Variants in DLG2 observed in about 807,000 individuals in gnomAD.
DLG2 encodes disks large homolog 2.
DLG2 carries 45 observed loss-of-function variants against 132.5 expected under a neutral mutation model. The observed-to-expected ratio is 0.34, with a 90% CI of 0.27 to 0.44. The LOEUF (loss-of-function observed/expected upper bound fraction) is 0.44. Ranked by LOEUF, DLG2 falls within the 20% of genes least tolerant of loss-of-function variation. The pLI is 1.00. For synonymous variants in DLG2, 424 were observed against 419.6 expected (o/e 1.01, Z -0.13); for missense variants, 1,045 against 1,196.9 (o/e 0.87, Z 1.87).
intron 7 of DLG2, among the ~76,000 whole-genome samples, chr11:84,267,864 G>A (rs1417276178): frequency 1.3e-5 from 2 of 152,158 alleles, no homozygotes; most frequent in Non-Finnish European, 2.9e-5. Flanking sequence ...CACATAGCAG[G>A]GACAATTAAG....
chr11:84,948,967 G>A (rs2050577922), intron 6 of DLG2, among the ~76,000 whole-genome samples: 1 of 152,188 alleles, frequency 6.6e-6, no homozygotes, highest in South Asian at 2.1e-4. Flanking sequence ...CATTATTTCT[G>A]TTGTTATTGA....
chr11:85,240,655 G>T (rs779537466), intron 4 of DLG2, among the ~76,000 whole-genome samples: 3 of 151,726 alleles, frequency 2.0e-5, no homozygotes, highest in Non-Finnish European at 3.0e-5. Flanking sequence ...TTATTGAATA[G>T]CTCTTCCCTT....
intron 18 of DLG2, among the ~76,000 whole-genome samples, chr11:83,676,147 G>A (rs963750463): frequency 3.9e-5 from 6 of 152,156 alleles, no homozygotes; most frequent in South Asian, 4.1e-4. Context: ...CTCATGTTCA[G>A]GGGTGGATAT....
intron 6 of DLG2, among the ~76,000 whole-genome samples, chr11:84,667,498 G>GTTTTTTTTTTTTTTTTTTTTTTTT (rs57863742): frequency 8.2e-6 from 1 of 122,272 alleles, no homozygotes; most frequent in Non-Finnish European, 1.6e-5. Context: ...TTTGTTTTTT[G>GTTTTTTTTTTTTTTTTTTTTTTTT]TTTTTTTTTT....
intron 18 of DLG2, among the ~76,000 whole-genome samples, chr11:83,710,069 G>A (rs1444559615): frequency 6.6e-6 from 1 of 152,126 alleles, no homozygotes; most frequent in Non-Finnish European, 1.5e-5. Flanking sequence ...TGAAAACAAA[G>A]GAGAGAGGAA....
intron 3 of DLG2, among the ~76,000 whole-genome samples, chr11:85,388,251 T>C (rs931988402): frequency 6.6e-6 from 1 of 152,102 alleles, no homozygotes. Context: ...GAGAACATAA[T>C]TCCATTGACC....
Position 85,097,719 on chromosome 11 carries a change from A to T in DLG2, c.357+13942T>A, listed in dbSNP as rs574683782. ...CTGTTGCCAAGGGCTCTCCTCAGCCACAGGCTTACCAGATGTCTGGTCATG... is the reference window on the plus strand; with the variant it reads ...CTGTTGCCAAGGGCTCTCCTCAGCCTCAGGCTTACCAGATGTCTGGTCATG... On this transcript the variant is annotated intron_variant, in intron 6 of 27. Coordinates refer to ENST00000376104, the MANE Select transcript of DLG2 (RefSeq NM_001142699.3). 3.9e-5 allele frequency among the ~76,000 whole-genome samples: 6 copies of T among 152,336 alleles called. No homozygotes were observed. The South Asian group carries it at 1.2e-3, about 32-fold the overall frequency.
chr11:83,996,409 T>G (rs1485020147), intron 11 of DLG2, among the ~76,000 whole-genome samples: 1 of 152,162 alleles, frequency 6.6e-6, no homozygotes, highest in Admixed American at 6.5e-5. Context: ...GGAGAACAGT[T>G]TGGACATTCC....
At chr11:84,445,915 CAAAA>C (rs58758315) in intron 7 of DLG2, among the ~76,000 whole-genome samples, 1 of 59,832 alleles carries the variant, frequency 1.7e-5, no homozygotes, top group Admixed American at 2.2e-4. Context: ...GACTTCGCCT[CAAAA>C]AAAAAAAAAA....
chr11:83,734,800 CAGTA>C (rs2091664664), intron 18 of DLG2, among the ~76,000 whole-genome samples: 1 of 151,994 alleles, frequency 6.6e-6, no homozygotes, highest in Non-Finnish European at 1.5e-5. Context: ...ATAATGCACA[CAGTA>C]AGAGTATTAT....
intron 7 of DLG2, among the ~76,000 whole-genome samples, chr11:84,318,628 T>C (rs764881314): frequency 1.3e-5 from 2 of 152,178 alleles, no homozygotes; most frequent in Non-Finnish European, 2.9e-5. Context: ...CTGTTAGACT[T>C]AAAAATCTTG....
At chr11:85,158,093 A>G (rs1327476993) in intron 4 of DLG2, among the ~76,000 whole-genome samples, 1 of 152,116 alleles carries the variant, frequency 6.6e-6, no homozygotes, top group Non-Finnish European at 1.5e-5. Flanking sequence ...TGGGCCCTAG[A>G]GGTGAAGTTC....
intron 6 of DLG2, among the ~76,000 whole-genome samples, chr11:85,077,459 C>G (rs1368375221): frequency 6.6e-6 from 1 of 151,912 alleles, no homozygotes; most frequent in East Asian, 2.0e-4. Context: ...TTCCAAGTGC[C>G]TGCTTCTTAA....
chr11:84,990,727 G>A (rs113584658), intron 6 of DLG2, among the ~76,000 whole-genome samples: 6 of 130,762 alleles, frequency 4.6e-5, no homozygotes, highest in African/African-American at 1.7e-4. Flanking sequence ...AGAATGCAGA[G>A]AAACTAGATC....
At chr11:84,615,817 G>GAAAAAAAAAAAAA (rs2099602949) in intron 6 of DLG2, among the ~76,000 whole-genome samples, 1 of 52,902 alleles carries the variant, frequency 1.9e-5, no homozygotes, top group Non-Finnish European at 3.3e-5. Flanking sequence ...GACAAAAACG[G>GAAAAAAAAAAAAA]TAAAAAAAAA....
At chr11:85,549,723 CA>C (rs2076554490) in intron 3 of DLG2, among the ~76,000 whole-genome samples, 2 of 152,242 alleles carry the variant, frequency 1.3e-5, no homozygotes, top group East Asian at 1.9e-4. Context: ...AGAAGCTGAT[CA>C]AAACCCACCA....
Position 85,578,324 on chromosome 11 carries a change from G to T in DLG2, c.40+20333C>A, listed in dbSNP as rs140076260. On this transcript the variant is annotated intron_variant, in intron 3 of 27. Transcript: ENST00000376104. ...CCTAGGCAATGCCATTCTGGACATGGGAATGGGCAAATAATTCATGATAAA... is the reference window on the plus strand; with the variant it reads ...CCTAGGCAATGCCATTCTGGACATGTGAATGGGCAAATAATTCATGATAAA... Among the ~76,000 whole-genome samples the T allele has an allele frequency of 2.1e-3, 322 of 152,252 alleles. 3 individuals carry two copies. Among genetic ancestry groups the T allele is most frequent in the South Asian group, 0.017 (81 of 4,830 alleles).
At chr11:83,874,993 A>G (rs2064398861) in intron 15 of DLG2, among the ~76,000 whole-genome samples, 1 of 152,162 alleles carries the variant, frequency 6.6e-6, no homozygotes. Flanking sequence ...TTATGATGCA[A>G]TGTATTTTTT....
intron 4 of DLG2, among the ~76,000 whole-genome samples, chr11:85,214,711 G>T (rs1228096561): frequency 6.6e-6 from 1 of 152,086 alleles, no homozygotes; most frequent in Non-Finnish European, 1.5e-5. Flanking sequence ...CAACACTTTG[G>T]ATATCCACAT....
Sources: gnomAD v4.1 joint callset for allele counts (sites outside exome capture counted in the v4.1 genomes callset) on GRCh38, gnomAD v4.1.1 for gene constraint, MANE v1.5 for transcripts, NCBI Gene and HGNC (gene_info 2026-07-23, HGNC 2026-07-21) for gene names.